The following XIRP2 variants were observed in gnomAD, a reference collection of about 807,000 sequenced individuals.
XIRP2 encodes the protein xin actin binding repeat containing 2, also known as xin actin-binding repeat-containing protein 2.
Under a neutral mutation model 277.0 loss-of-function variants are expected in XIRP2, and 236 were observed. That is an observed-to-expected ratio of 0.85 (90% CI 0.77 to 0.95). The LOEUF (loss-of-function observed/expected upper bound fraction) is 0.95, where lower values mean the gene tolerates loss of function less well. Among genes scored for constraint, XIRP2 ranks in the 40% least tolerant of loss-of-function variants. The pLI is 0.00. For missense variants in XIRP2, 4,640 were observed against 4,157.5 expected, an observed-to-expected ratio of 1.12 and a Z score of -3.19; for synonymous variants, 1,490 against 1,416.5, an observed-to-expected ratio of 1.05 and a Z score of -1.17.
intron 2 of XIRP2, among the ~76,000 whole-genome samples, chr2:167,098,932 G>A (rs980911572): frequency 6.6e-6 from 1 of 152,202 alleles, no homozygotes; most frequent in African/African-American, 2.4e-5. Context: ...ATCCCAGAGA[G>A]GCACCCACCA....
chr2:167,145,730 C>A (rs1345111525), intron 3 of XIRP2, among the ~76,000 whole-genome samples: 1 of 152,112 alleles, frequency 6.6e-6, no homozygotes, highest in African/African-American at 2.4e-5. Context: ...AATATACTGC[C>A]AGAAATATTC....
At chr2:167,104,883 T>C (rs1192866697) in intron 2 of XIRP2, among the ~76,000 whole-genome samples, 2 of 152,018 alleles carry the variant, frequency 1.3e-5, no homozygotes, top group African/African-American at 4.8e-5. Flanking sequence ...CTATCCTCAT[T>C]CTGCGCATAT....
At chr2:166,915,694 G>A (rs1684853383) in intron 2 of XIRP2, among the ~76,000 whole-genome samples, 1 of 152,120 alleles carries the variant, frequency 6.6e-6, no homozygotes, top group African/African-American at 2.4e-5. Context: ...TTCTATTCAT[G>A]TCTTTTAGAC....
At chr2:167,075,067 A>G (rs971037060) in intron 2 of XIRP2, among the ~76,000 whole-genome samples, 5 of 152,230 alleles carry the variant, frequency 3.3e-5, no homozygotes, top group Non-Finnish European at 7.3e-5. Context: ...TTTAGCATCT[A>G]TAGTTTATTT....
chr2:166,962,093 A>T lies in XIRP2; in HGVS notation c.408+58203A>T, dbSNP rs1686313891. ...TCCATTTCTCAATGAAGATGGTATT[A>T]TTAATAGCATCATGGGCAACATAAT... On this transcript the variant is annotated intron_variant, in intron 2 of 10. Coordinates refer to ENST00000409195, the MANE Select transcript of XIRP2 (RefSeq NM_152381.6). Among the ~76,000 whole-genome samples, 3 of 151,726 alleles carry T rather than the reference A, an allele frequency of 2.0e-5. No homozygotes were observed. The South Asian group carries it at 6.2e-4, about 31-fold the overall frequency.
chr2:166,928,351 G>A lies in XIRP2; in HGVS notation c.408+24461G>A, dbSNP rs114306310. On this transcript the variant is annotated intron_variant, in intron 2 of 10. Coordinates refer to ENST00000409195, the MANE Select transcript of XIRP2 (RefSeq NM_152381.6). Reference sequence around the variant, plus strand: ...ACTGAGCTCTGAAAAAGCTTAGAGAGGGCCAAGAATTTGGGTTATACCACA... The same window carrying A: ...ACTGAGCTCTGAAAAAGCTTAGAGAAGGCCAAGAATTTGGGTTATACCACA... Among the ~76,000 whole-genome samples, 1,428 of 152,184 alleles carry A rather than the reference G, an allele frequency of 9.4e-3. 22 individuals are homozygous for A. The highest frequency in any genetic ancestry group is 0.031 in the African/African-American group (1,285 of 41,540).
At chr2:167,034,625 A>C (rs1688461967) in intron 2 of XIRP2, among the ~76,000 whole-genome samples, 2 of 152,162 alleles carry the variant, frequency 1.3e-5, no homozygotes, top group Non-Finnish European at 2.9e-5. Context: ...GAAACCAATA[A>C]AGAGCAGGAG....
chr2:167,193,256 C>A (rs1693400592), intron 3 of XIRP2, among the ~76,000 whole-genome samples: 1 of 152,166 alleles, frequency 6.6e-6, no homozygotes. Context: ...TAAGTTGCCT[C>A]AAACTTCAAT....
chr2:167,201,065 G>T (rs954895380), intron 3 of XIRP2, among the ~76,000 whole-genome samples: 5 of 151,490 alleles, frequency 3.3e-5, no homozygotes, highest in African/African-American at 1.2e-4. Context: ...TGCAGAGGTT[G>T]CAGTGAGCCG....
At chr2:167,008,057 G>A (rs1687554443) in intron 2 of XIRP2, among the ~76,000 whole-genome samples, 1 of 151,384 alleles carries the variant, frequency 6.6e-6, no homozygotes, top group South Asian at 2.1e-4. Context: ...TGTCCAAATT[G>A]CAAAAGCTGC....
intron 1 of XIRP2, among the ~76,000 whole-genome samples, chr2:166,894,090 T>C (rs552336031): frequency 6.6e-6 from 1 of 152,146 alleles, no homozygotes; most frequent in South Asian, 2.1e-4. Flanking sequence ...TCTTTTTGTT[T>C]AATGCAATGG....
At chr2:167,099,423 C>T (rs189798441) in intron 2 of XIRP2, among the ~76,000 whole-genome samples, 8 of 152,300 alleles carry the variant, frequency 5.3e-5, no homozygotes, top group Admixed American at 5.2e-4. Context: ...AATTTCAAGA[C>T]AGTGCATCTT....
intron 2 of XIRP2, among the ~76,000 whole-genome samples, chr2:167,031,899 G>T (rs1050895932): frequency 1.3e-5 from 2 of 151,902 alleles, no homozygotes; most frequent in South Asian, 2.1e-4. Flanking sequence ...TATAGATTCA[G>T]TGCTACCCCC....
In XIRP2 at chr2:167,113,789, C is replaced by T. The variant is rs180916442; in HGVS notation, c.409-22120C>T. 1.7e-3 allele frequency among the ~76,000 whole-genome samples: 265 copies of T among 152,244 alleles called. 1 individual carries two copies. The highest frequency in any genetic ancestry group is 6.8e-3 in the Middle Eastern group (2 of 294). ...AGTGTCTGGTAACAGTCTTTACTTTCCATAGTTAGTGATTCTTTCAGGACC... is the reference window on the plus strand; with the variant it reads ...AGTGTCTGGTAACAGTCTTTACTTTTCATAGTTAGTGATTCTTTCAGGACC... On this transcript the variant is annotated intron_variant, in intron 2 of 10. Transcript: ENST00000409195.
intron 1 of XIRP2, among the ~76,000 whole-genome samples, chr2:166,896,371 C>T (rs1684241832): frequency 6.6e-6 from 1 of 151,952 alleles, no homozygotes; most frequent in African/African-American, 2.4e-5. Context: ...CCCTGAAAAC[C>T]TTCCAGTGGG....
chr2:167,130,371 T>C (rs2105313078), intron 2 of XIRP2, among the ~76,000 whole-genome samples: 3 of 152,296 alleles, frequency 2.0e-5, no homozygotes, highest in Middle Eastern at 6.8e-3. Context: ...ACAGCTTTTC[T>C]CTGCCTTCAA....
intron 2 of XIRP2, among the ~76,000 whole-genome samples, chr2:166,908,557 C>G (rs570715438): frequency 6.6e-6 from 1 of 152,016 alleles, no homozygotes; most frequent in African/African-American, 2.4e-5. Flanking sequence ...TTCTCCCATT[C>G]TGTAGGTTGC....
intron 2 of XIRP2, among the ~76,000 whole-genome samples, chr2:166,911,734 G>T (rs993731006): frequency 1.3e-5 from 2 of 152,146 alleles, no homozygotes; most frequent in African/African-American, 2.4e-5. Flanking sequence ...TCATGTTTTT[G>T]CTGTCGCTGG....
chr2:167,218,749 A>G (rs1050805363), intron 5 of XIRP2, among the ~76,000 whole-genome samples: 2 of 152,158 alleles, frequency 1.3e-5, no homozygotes, highest in Middle Eastern at 3.2e-3. Flanking sequence ...AAATCCTCAA[A>G]CATTGAATAG....
Sources: allele counts gnomAD v4.1 joint callset (sites outside exome capture counted in the v4.1 genomes callset), GRCh38; gene constraint gnomAD v4.1.1; transcripts MANE v1.5; gene names NCBI Gene and HGNC (gene_info 2026-07-23, HGNC 2026-07-21).